Variants in SLC8A1 observed in about 807,000 individuals in gnomAD.
The protein encoded by SLC8A1 is sodium/calcium exchanger 1.
SLC8A1 carries 18 observed loss-of-function variants against 68.3 expected under a neutral mutation model. That is an observed-to-expected ratio of 0.26 (90% CI 0.18 to 0.39). The LOEUF (loss-of-function observed/expected upper bound fraction) is 0.39, where lower values mean the gene tolerates loss of function less well. SLC8A1 is among the 10% of genes least tolerant of loss of function. The pLI is 1.00. For synonymous variants in SLC8A1, 475 were observed against 415.5 expected (o/e 1.14, Z -1.74); for missense variants, 985 against 1,156.7 (o/e 0.85, Z 2.15).
chr2:40,248,722 A>T (rs1472413837), intron 2 of SLC8A1, among the ~76,000 whole-genome samples: 1 of 152,156 alleles, frequency 6.6e-6, no homozygotes, highest in Non-Finnish European at 1.5e-5. Flanking sequence ...TAGTATGGGC[A>T]TAAATAGACT....
chr2:40,252,509 C>T (rs961030562), intron 2 of SLC8A1, among the ~76,000 whole-genome samples: 1 of 151,890 alleles, frequency 6.6e-6, no homozygotes, highest in Non-Finnish European at 1.5e-5. Context: ...ATTTTTTGTG[C>T]CTTTAGTAGA....
Position 40,177,275 on chromosome 2 carries a change from T to C in SLC8A1, c.1912+477A>G, listed in dbSNP as rs144241525. ...ACTGTGTTCTCCAAAGAAGCCTAAT[T>C]ATTTGAATTCTGAAGTTTCCTGTTA... On this transcript the variant is annotated intron_variant, in intron 3 of 7. Transcript: ENST00000406785. Among the ~76,000 whole-genome samples, 257 of 152,282 alleles carry C rather than the reference T, an allele frequency of 1.7e-3. 1 individual carries two copies. Among genetic ancestry groups the C allele is most frequent in the African/African-American group, 5.7e-3 (239 of 41,570 alleles).
At chr2:40,329,207 T>C (rs191414720) in intron 2 of SLC8A1, among the ~76,000 whole-genome samples, 10 of 152,240 alleles carry the variant, frequency 6.6e-5, no homozygotes, top group African/African-American at 1.9e-4. Context: ...CTCTGGCCCA[T>C]TGAAACCTTA....
intron 2 of SLC8A1, among the ~76,000 whole-genome samples, chr2:40,362,231 G>GA (rs1357043230): frequency 1.3e-5 from 2 of 150,896 alleles, no homozygotes; most frequent in African/African-American, 2.4e-5. Flanking sequence ...GGAAGTAAGA[G>GA]AAAAAATTGA....
intron 2 of SLC8A1, among the ~76,000 whole-genome samples, chr2:40,296,492 T>A (rs192642448): frequency 1.3e-5 from 2 of 152,200 alleles, no homozygotes; most frequent in Non-Finnish European, 2.9e-5. Context: ...CTGGGCATAA[T>A]TGAAGTTCCC....
At chr2:40,475,055 T>A (rs1398232755) in intron 1 of SLC8A1, among the ~76,000 whole-genome samples, 1 of 152,172 alleles carries the variant, frequency 6.6e-6, no homozygotes, top group African/African-American at 2.4e-5. Context: ...TAGGAATCGA[T>A]TTGTTGTAAT....
At chr2:40,392,014 G>A (rs1685415405) in intron 2 of SLC8A1, among the ~76,000 whole-genome samples, 1 of 151,804 alleles carries the variant, frequency 6.6e-6, no homozygotes, top group African/African-American at 2.4e-5. Context: ...ACAGCAAAAT[G>A]CTGGTTGCCT....
chr2:40,231,485 C>G (rs2059638333), intron 2 of SLC8A1, among the ~76,000 whole-genome samples: 1 of 152,036 alleles, frequency 6.6e-6, no homozygotes, highest in African/African-American at 2.4e-5. Flanking sequence ...TAGTCCCCCA[C>G]TTTTCACACT....
At chr2:40,148,754 T>C (rs2042910102) in intron 6 of SLC8A1, among the ~76,000 whole-genome samples, 1 of 152,224 alleles carries the variant, frequency 6.6e-6, no homozygotes, top group African/African-American at 2.4e-5. Flanking sequence ...TGGAAAGGTA[T>C]AAACAAGATT....
chr2:40,102,602 G>C (rs1199631184), exon 8 of SLC8A1: 1 of 152,114 alleles, frequency 6.6e-6, no homozygotes, highest in Non-Finnish European at 1.5e-5. Context: ...GACGAGATGA[G>C]CGTGTGTGAA....
intron 2 of SLC8A1, among the ~76,000 whole-genome samples, chr2:40,231,565 G>T (rs1031272812): frequency 1.3e-5 from 2 of 151,968 alleles, no homozygotes. Flanking sequence ...CTTCAAATGG[G>T]TTTTCCATCT....
chr2:40,249,448 A>G (rs1574685165), intron 2 of SLC8A1, among the ~76,000 whole-genome samples: 1 of 152,138 alleles, frequency 6.6e-6, no homozygotes, highest in East Asian at 1.9e-4. Context: ...CATTTGCATA[A>G]TTTTCCACTT....
At chr2:40,382,245 G>A (rs759390724) in intron 2 of SLC8A1, among the ~76,000 whole-genome samples, 1 of 152,002 alleles carries the variant, frequency 6.6e-6, no homozygotes, top group Admixed American at 6.6e-5. Flanking sequence ...GCTCAGAAAG[G>A]CATAACAGTA....
At chr2:40,184,322 G>A (rs2050213699) in intron 2 of SLC8A1, among the ~76,000 whole-genome samples, 1 of 152,110 alleles carries the variant, frequency 6.6e-6, no homozygotes, top group African/African-American at 2.4e-5. Flanking sequence ...GACAGTAATA[G>A]TCCAAACTAA....
intron 2 of SLC8A1, among the ~76,000 whole-genome samples, chr2:40,202,939 G>C (rs1483644352): frequency 6.6e-6 from 1 of 151,918 alleles, no homozygotes; most frequent in Non-Finnish European, 1.5e-5. Flanking sequence ...CCAACTTGAG[G>C]CATGCTTTAA....
intron 2 of SLC8A1, among the ~76,000 whole-genome samples, chr2:40,400,147 C>T (rs1256837302): frequency 6.6e-6 from 1 of 152,194 alleles, no homozygotes; most frequent in African/African-American, 2.4e-5. Context: ...ACAGGAATTG[C>T]TCACTCGGTG....
intron 2 of SLC8A1, among the ~76,000 whole-genome samples, chr2:40,315,282 G>A (rs114668088): frequency 4.0e-5 from 6 of 151,736 alleles, no homozygotes; most frequent in African/African-American, 7.2e-5. Context: ...TCGTCAGTAT[G>A]GTGGTTATCA....
At chr2:40,403,035 A>G (rs1348569115) in intron 2 of SLC8A1, among the ~76,000 whole-genome samples, 5 of 152,230 alleles carry the variant, frequency 3.3e-5, no homozygotes, top group African/African-American at 1.2e-4. Context: ...TTACATACAA[A>G]TGACACTCAA....
intron 2 of SLC8A1, among the ~76,000 whole-genome samples, chr2:40,309,263 G>A (rs2073239856): frequency 6.6e-6 from 1 of 152,102 alleles, no homozygotes; most frequent in Non-Finnish European, 1.5e-5. Flanking sequence ...TTCAACACAG[G>A]AATAAAGTTT....
Sources: gnomAD v4.1 joint callset for allele counts (sites outside exome capture counted in the v4.1 genomes callset) on GRCh38, gnomAD v4.1.1 for gene constraint, MANE v1.5 for transcripts, NCBI Gene and HGNC (gene_info 2026-07-23, HGNC 2026-07-21) for gene names.